The following GRIA2 variants were observed in gnomAD, a reference collection of about 807,000 sequenced individuals.
GRIA2 encodes the protein glutamate receptor 2.
Under a neutral mutation model 97.3 loss-of-function variants are expected in GRIA2, and 14 were observed. That is an observed-to-expected ratio of 0.14 (90% CI 0.10 to 0.23). GRIA2 has a LOEUF of 0.23. GRIA2 is among the 10% of genes least tolerant of loss of function. GRIA2 has a pLI of 1.00. For missense variants in GRIA2, 558 were observed against 1,069.8 expected (o/e 0.52, Z 6.67); for synonymous variants, 412 against 387.8 (o/e 1.06, Z -0.73).
intron 2 of GRIA2, among the ~76,000 whole-genome samples, chr4:157,284,784 A>G (rs865817470): frequency 6.6e-6 from 1 of 151,768 alleles, no homozygotes; most frequent in South Asian, 2.1e-4. Flanking sequence ...CTTAATATTT[A>G]TAGTTCTACA....
chr4:157,353,822 A>G (rs1736128013), intron 12 of GRIA2, among the ~76,000 whole-genome samples: 2 of 152,180 alleles, frequency 1.3e-5, no homozygotes, highest in Non-Finnish European at 2.9e-5. Context: ...AATCTTGTTA[A>G]TATTTTAAAA....
chr4:157,346,089 T>C (rs1735752307), intron 12 of GRIA2, among the ~76,000 whole-genome samples: 2 of 152,146 alleles, frequency 1.3e-5, no homozygotes, highest in African/African-American at 4.8e-5. Context: ...ATATAATCAA[T>C]ATTACAAGAG....
At position 157,338,027 on chromosome 4, in the gene GRIA2, TATATATATATATATATATATATAC is replaced by T. The variant is rs1285856101; in HGVS notation, c.1844+1282_1844+1305del. Among the ~76,000 whole-genome samples the T allele has an allele frequency of 5.0e-4, 6 of 11,916 alleles. No individual in the cohort carries two copies. In the Admixed American group the frequency reaches 5.2e-3, roughly 10 times the overall value. The allele number at this position is 11,916 out of a possible 152,430, so 7.8% of individuals were successfully genotyped here. A position where few individuals can be genotyped will look rare whatever the true frequency, so the allele number is the denominator to read the frequency against. ...ATATGTGTATATATATATATATATA[TATATATATATATATATATATATAC>T]ACACACATTTTTTTTATCTCTGACA... On this transcript the variant is annotated intron_variant, in intron 11 of 15. Transcript: ENST00000264426.
intron 2 of GRIA2, among the ~76,000 whole-genome samples, chr4:157,279,843 G>T (rs186573942): frequency 6.6e-6 from 1 of 151,956 alleles, no homozygotes; most frequent in Non-Finnish European, 1.5e-5. Flanking sequence ...CATATGACTC[G>T]CCTGGGCGTG....
intron 2 of GRIA2, among the ~76,000 whole-genome samples, chr4:157,268,312 C>G (rs1731862123): frequency 6.6e-6 from 1 of 151,852 alleles, no homozygotes; most frequent in Non-Finnish European, 1.5e-5. Context: ...TTTTCATGTT[C>G]TAGAAGTTAA....
At chr4:157,300,947 A>G (rs972881459) in intron 2 of GRIA2, among the ~76,000 whole-genome samples, 6 of 152,194 alleles carry the variant, frequency 3.9e-5, no homozygotes, top group African/African-American at 2.4e-5. Context: ...GTATTCAAAC[A>G]GTGGCATTCT....
At chr4:157,334,191 A>G (rs1177585784) in intron 9 of GRIA2, 71 bp downstream of exon 9, 3 of 773,946 alleles carry the variant, frequency 3.9e-6, no homozygotes, top group African/African-American at 3.4e-5. Flanking sequence ...GTAGCTATTT[A>G]TATTTTAGGA....
At position 157,239,027 on chromosome 4, in the gene GRIA2, T is replaced by C. The variant is rs569600524; in HGVS notation, c.229+17220T>C. Among the ~76,000 whole-genome samples, 11 of 152,288 alleles carry C rather than the reference T, an allele frequency of 7.2e-5. No individual in the cohort carries two copies. The South Asian group carries it at 1.9e-3, about 26-fold the overall frequency. On this transcript the variant is annotated intron_variant, in intron 2 of 15. Transcript: ENST00000264426. ...TGCGGTACTTTTTCCTATTGAATTGTATGAGTTGTTTATTCAAGATGACTA... is the reference window on the plus strand; with the variant it reads ...TGCGGTACTTTTTCCTATTGAATTGCATGAGTTGTTTATTCAAGATGACTA...
intron 2 of GRIA2, among the ~76,000 whole-genome samples, chr4:157,290,864 A>G (rs974305335): frequency 3.3e-5 from 5 of 151,728 alleles, no homozygotes; most frequent in Admixed American, 2.6e-4. Context: ...TTCACAATTC[A>G]GTATTGATTT....
At chr4:157,287,792 T>C (rs1304271044) in intron 2 of GRIA2, among the ~76,000 whole-genome samples, 1 of 151,526 alleles carries the variant, frequency 6.6e-6, no homozygotes, top group Non-Finnish European at 1.5e-5. Flanking sequence ...CCAAAGTCTT[T>C]CTCTTTTCTC....
Position 157,361,095 on chromosome 4 carries a change from G to A in GRIA2, c.2377G>A (p.Glu793Lys), listed in dbSNP as rs1355032557. 6.2e-7 allele frequency: 1 copy of A among 1,613,390 alleles called. No homozygotes were observed. The highest frequency in any genetic ancestry group is 1.1e-5 in the South Asian group (1 of 91,088). Residue 793 changes from glutamate to lysine, a missense_variant, in exon 14 of 16, where the codon GAG (glutamate) becomes AAG (lysine). Physicochemically the swap from Glu to Lys is moderately conservative, Grantham distance 56. Coordinates refer to ENST00000264426, the MANE Select transcript of GRIA2 (RefSeq NM_001083619.3). The surrounding 1 kb of genome is among the most constrained non-coding windows in gnomAD (Gnocchi z 5.2). ...LKNKWWYDKG[E>K]CGSGGGDSKE... ...AAACAAATGGTGGTACGACAAAGGA[G>A]AGTGCGGCAGCGGGGGAGGTGATTC...
intron 12 of GRIA2, among the ~76,000 whole-genome samples, chr4:157,350,245 T>C (rs1445809194): frequency 1.3e-5 from 2 of 152,140 alleles, no homozygotes; most frequent in Non-Finnish European, 2.9e-5. Flanking sequence ...ACTTTTCTCA[T>C]CACTAGCCTA....
At chr4:157,260,962 T>C (rs1482879000) in intron 2 of GRIA2, among the ~76,000 whole-genome samples, 6 of 152,118 alleles carry the variant, frequency 3.9e-5, no homozygotes. Flanking sequence ...CTCTGCCTTA[T>C]TGTTAAAATT....
chr4:157,287,477 T>C (rs1404135183), intron 2 of GRIA2, among the ~76,000 whole-genome samples: 1 of 151,704 alleles, frequency 6.6e-6, no homozygotes, highest in Non-Finnish European at 1.5e-5. Context: ...TCTGTTGGAA[T>C]CCTAGGTGTC....
At chr4:157,248,702 A>G (rs1299916845) in intron 2 of GRIA2, among the ~76,000 whole-genome samples, 1 of 136,768 alleles carries the variant, frequency 7.3e-6, no homozygotes, top group African/African-American at 2.7e-5. Context: ...TATATACACA[A>G]GTATATATAT....
chr4:157,347,374 CT>C (rs752754059), intron 12 of GRIA2, among the ~76,000 whole-genome samples: 14 of 152,104 alleles, frequency 9.2e-5, no homozygotes, highest in Non-Finnish European at 1.8e-4. Context: ...CATACACTCG[CT>C]AAATAATTTG....
At chr4:157,315,902 G>T (rs1734298060) in intron 4 of GRIA2, among the ~76,000 whole-genome samples, 2 of 152,162 alleles carry the variant, frequency 1.3e-5, no homozygotes, top group South Asian at 2.1e-4. Context: ...AAAAGATTCA[G>T]CCATCAAAAA....
intron 2 of GRIA2, among the ~76,000 whole-genome samples, chr4:157,233,051 G>A (rs993141967): frequency 6.6e-6 from 1 of 152,068 alleles, no homozygotes; most frequent in Non-Finnish European, 1.5e-5. Flanking sequence ...TAGAATTTTT[G>A]GATTGTTTTG....
At position 157,331,244 on chromosome 4, in the gene GRIA2, G is replaced by A. The variant is rs143242422; in HGVS notation, c.883-1575G>A. Among the ~76,000 whole-genome samples, 1,172 of 152,006 alleles carry A rather than the reference G, an allele frequency of 7.7e-3. 11 individuals are homozygous for A. Among genetic ancestry groups the A allele is most frequent in the African/African-American group, 0.022 (897 of 41,502 alleles). ...CTGAATCATATTCATAATATGCTAC[G>A]TGGATCTGAATGCTTTCAATTCTTT... On this transcript the variant is annotated intron_variant, in intron 6 of 15. Transcript: ENST00000264426.
Sources: allele counts gnomAD v4.1 joint callset (sites outside exome capture counted in the v4.1 genomes callset), GRCh38; gene constraint gnomAD v4.1.1; non-coding constraint Gnocchi (gnomAD v3.1); transcripts MANE v1.5; gene names NCBI Gene and HGNC (gene_info 2026-07-23, HGNC 2026-07-21).